The following ACTR6 variants were observed in gnomAD, a reference collection of about 807,000 sequenced individuals.
ACTR6 encodes the protein actin related protein 6, also known as actin-related protein 6.
In ACTR6, 50 loss-of-function variants were observed where a neutral mutation model predicts 52.5. The ratio of observed to expected loss-of-function variants is 0.95; its 90% CI spans 0.76 to 1.20. The LOEUF (loss-of-function observed/expected upper bound fraction) is 1.20, where lower values mean the gene tolerates loss of function less well. Among genes scored for constraint, ACTR6 ranks in the 50% most tolerant of loss-of-function variants. The pLI, the probability that ACTR6 is intolerant of heterozygous loss-of-function variation, is 0.00. For missense variants in ACTR6, 344 were observed against 472.4 expected (o/e 0.73, Z 2.52); for synonymous variants, 135 against 147.2 (o/e 0.92, Z 0.60).
chr12:100,210,458 C>T (rs539164835), intron 6 of ACTR6, 107 bp downstream of exon 6: 47 of 1,218,494 alleles, frequency 3.9e-5, no homozygotes, highest in East Asian at 3.6e-4. Context: ...GTGACTCACG[C>T]CTGTAATCCC....
In ACTR6 at chr12:100,210,105, G is replaced by A. The variant is rs1395903180; in HGVS notation, c.412G>A (p.Asp138Asn). Residue 138 changes from aspartate (D) to asparagine (N), a missense_variant, in exon 5 of 11, where the codon GAT (aspartate) becomes AAT (asparagine). Asp to Asn is a conservative substitution (Grantham distance 23, BLOSUM62 1). Transcript: ENST00000188312. The part of the protein sequence containing the change: ...GALSAHRYFR[D>N]NPSELCCIIV... Reference sequence around the variant, plus strand: ...TCTCAGTGCACATAGGTATTTCCGAGATAATCCTTCCGAATTATGCTGTAT... The same window carrying A: ...TCTCAGTGCACATAGGTATTTCCGAAATAATCCTTCCGAATTATGCTGTAT... 2 of 1,608,852 alleles carry A rather than the reference G, an allele frequency of 1.2e-6. No homozygotes were observed. The highest frequency in any genetic ancestry group is 1.7e-5 in the Admixed American group (1 of 59,210).
chr12:100,202,838 A>G (rs1044584885), intron 1 of ACTR6, among the ~76,000 whole-genome samples: 7 of 151,274 alleles, frequency 4.6e-5, no homozygotes, highest in Admixed American at 4.6e-4. Flanking sequence ...GCCTGGGGCG[A>G]CAAAGCGAGA....
chr12:100,213,875 C>G (rs929498614), intron 8 of ACTR6, among the ~76,000 whole-genome samples: 3 of 152,110 alleles, frequency 2.0e-5, no homozygotes, highest in East Asian at 3.8e-4. Context: ...AATCTTTGGT[C>G]AGAAACATAA....
At chr12:100,212,573 C>A in intron 8 of ACTR6, 45 bp downstream of exon 8, 3 of 1,455,212 alleles carry the variant, frequency 2.1e-6, no homozygotes, top group South Asian at 1.1e-5. Flanking sequence ...CGGCTCCTGT[C>A]TATAATCCCA....
At chr12:100,217,989 T>C (rs2096125176) in intron 8 of ACTR6, among the ~76,000 whole-genome samples, 1 of 152,130 alleles carries the variant, frequency 6.6e-6, no homozygotes, top group Non-Finnish European at 1.5e-5. Flanking sequence ...TCCTCCTTTT[T>C]TTCTTTGTAT....
At chr12:100,220,416 C>G (rs1197838047) in intron 10 of ACTR6, among the ~76,000 whole-genome samples, 2 of 152,108 alleles carry the variant, frequency 1.3e-5, no homozygotes, top group Non-Finnish European at 2.9e-5. Flanking sequence ...GTAAATCAGC[C>G]TTGGTCCTAA....
chr12:100,215,232 A>C (rs577017719), intron 8 of ACTR6, among the ~76,000 whole-genome samples: 1 of 152,260 alleles, frequency 6.6e-6, no homozygotes, highest in African/African-American at 2.4e-5. Flanking sequence ...AAAACTTAAA[A>C]CCTCTTCCAG....
chr12:100,209,975 A>T, intron 4 of ACTR6, 98 bp from the exon 5 acceptor site: 3 of 1,012,732 alleles, frequency 3.0e-6, no homozygotes, highest in Non-Finnish European at 4.3e-6. Flanking sequence ...TAATAAAGGG[A>T]ACATTTTTGT....
chr12:100,212,311 T>C lies in ACTR6; in HGVS notation c.628T>C (p.Cys210Arg), dbSNP rs2096120472. 1.2e-6 allele frequency: 2 copies of C among 1,612,834 alleles called. No homozygotes were observed. The highest frequency in any genetic ancestry group is 1.7e-6 in the Non-Finnish European group (2 of 1,179,474). The change falls in exon 7 of 11, where the codon TGC becomes CGC. Residue 210 changes from cysteine (C) to arginine (R), a missense_variant. Coordinates refer to ENST00000188312, the MANE Select transcript of ACTR6 (RefSeq NM_022496.5). The stretch of plus-strand genomic sequence containing the variant: ...GATTAATCAAGTGAAAGAAGATGTA[T>C]GCTATGTGTCTCAGGATTTTTATAG... ...HVINQVKEDV[C>R]YVSQDFYRDM...
At chr12:100,206,830 G>C (rs2096115151) in intron 3 of ACTR6, among the ~76,000 whole-genome samples, 1 of 144,486 alleles carries the variant, frequency 6.9e-6, no homozygotes, top group African/African-American at 2.6e-5. Context: ...CACCACACCT[G>C]GCTCTTTTTT....
chr12:100,205,156 C>A, intron 2 of ACTR6, 99 bp downstream of exon 2: 4 of 651,574 alleles, frequency 6.1e-6, no homozygotes, highest in African/African-American at 1.9e-5. Context: ...TAAATTTTAA[C>A]TACAACCTAA....
chr12:100,207,902 T>C (rs116703045), intron 4 of ACTR6, 116 bp downstream of exon 4: 1 of 1,141,650 alleles, frequency 8.8e-7, no homozygotes, highest in Non-Finnish European at 1.3e-6. Flanking sequence ...GGCTAACACC[T>C]GTAACCCCAT....
chr12:100,209,358 AG>A (rs1278454843), intron 4 of ACTR6, among the ~76,000 whole-genome samples: 3 of 152,172 alleles, frequency 2.0e-5, no homozygotes, highest in Non-Finnish European at 4.4e-5. Context: ...TCTCTACAAA[AG>A]AAAATTAAAA....
In ACTR6 at chr12:100,218,297, C is replaced by T. The variant is rs2096125418; in HGVS notation, c.751-118C>T. 1.8e-5 allele frequency: 12 copies of T among 649,940 alleles called. No homozygotes were observed. Among genetic ancestry groups the T allele is most frequent in the Non-Finnish European group, 2.6e-5 (12 of 468,240 alleles). The allele number at this position is 649,940 out of a possible 1,614,324, so 40.3% of individuals were successfully genotyped here. On this transcript the variant is annotated intron_variant, in intron 8 of 10. Coordinates refer to ENST00000188312, the MANE Select transcript of ACTR6 (RefSeq NM_022496.5). The surrounding 1 kb of genome is among the most constrained non-coding windows in gnomAD (Gnocchi z 4.2). Reference sequence around the variant, plus strand: ...TAAATTTTGAGAATCCTGAAACTTCCAAGAACATTATTAATATATTATTAA... The same window carrying T: ...TAAATTTTGAGAATCCTGAAACTTCTAAGAACATTATTAATATATTATTAA...
rs1436176714 is a variant in ACTR6 at position 100,212,448 on chromosome 12, A to C, written c.672-2A>C. 4 of 1,612,646 alleles carry C rather than the reference A, an allele frequency of 2.5e-6. No individual in the cohort carries two copies. Among genetic ancestry groups the C allele is most frequent in the Non-Finnish European group, 3.4e-6 (4 of 1,178,958 alleles). On this transcript the variant is annotated splice_acceptor_variant, in intron 7 of 10. Transcript: ENST00000188312. LOFTEE classifies it high-confidence loss of function. The stretch of plus-strand genomic sequence containing the variant: ...TTCATAAATCTCAATTTTGTTTTCC[A>C]GGTTGAAAGGAGAAGAAAATACAGT...
chr12:100,206,675 C>CTT (rs985988536), intron 3 of ACTR6, among the ~76,000 whole-genome samples: 1 of 139,798 alleles, frequency 7.2e-6, no homozygotes, highest in Non-Finnish European at 1.6e-5. Flanking sequence ...TTTTTTTTTT[C>CTT]TTTTTTTTTT....
rs1320187643 is a variant in ACTR6, at chr12:100,205,031, C to T, written c.160C>T (p.Leu54Phe). 1 of 1,599,896 alleles carries T rather than the reference C, an allele frequency of 6.3e-7. No individual in the cohort carries two copies. Among genetic ancestry groups the T allele is most frequent in the Non-Finnish European group, 8.6e-7 (1 of 1,168,556 alleles). ...AGATGAAATAAAAGACCCTTCTGGACTCTTTTACATCCTCCCTTTTCAAAA... is the reference window on the plus strand; with the variant it reads ...AGATGAAATAAAAGACCCTTCTGGATTCTTTTACATCCTCCCTTTTCAAAA... ...QIDEIKDPSG[L>F]FYILPFQKGY... The change falls in exon 2 of 11, where the codon CTC (leucine) becomes TTC (phenylalanine). Residue 54 changes from leucine (L) to phenylalanine (F), a missense_variant. By Grantham distance (22) the Leu-to-Phe change is conservative. Transcript: ENST00000188312.
intron 1 of ACTR6, chr12:100,204,084 G>A (rs573329564): frequency 6.6e-6 from 1 of 152,316 alleles, no homozygotes; most frequent in Non-Finnish European, 1.5e-5. Context: ...ATTTCTTGAG[G>A]ATTATTAGAG....
Position 100,210,215 on chromosome 12 carries a change from T to C in ACTR6, c.515+7T>C. 1 of 1,602,730 alleles carries C rather than the reference T, an allele frequency of 6.2e-7. No individual in the cohort carries two copies. Among genetic ancestry groups the C allele is most frequent in the Non-Finnish European group, 8.5e-7 (1 of 1,172,830 alleles). ...AAAAAGAAGCAATTATTCGGTGAGT[T>C]GTATTTAATTTTCATGTTGTTTCTA... On this transcript the variant is annotated splice_region_variant and intron_variant, in intron 5 of 10. Coordinates refer to ENST00000188312, the MANE Select transcript of ACTR6 (RefSeq NM_022496.5).
Sources: allele counts gnomAD v4.1 joint callset (sites outside exome capture counted in the v4.1 genomes callset), GRCh38; gene constraint gnomAD v4.1.1; non-coding constraint Gnocchi (gnomAD v3.1); transcripts MANE v1.5; gene names NCBI Gene and HGNC (gene_info 2026-07-23, HGNC 2026-07-21).